PCSK5: variants seen among roughly 807,000 people sequenced by gnomAD.
PCSK5 encodes prohormone convertase 5.
Under a neutral mutation model 233.2 loss-of-function variants are expected in PCSK5, and 129 were observed. That is an observed-to-expected ratio of 0.55 (90% CI 0.48 to 0.64). The LOEUF is 0.64. Ranked by LOEUF, PCSK5 falls within the 30% of genes least tolerant of loss-of-function variation. The pLI, the probability that PCSK5 is intolerant of heterozygous loss-of-function variation, is 0.00. For missense variants in PCSK5, 2,076 were observed against 2,430.1 expected (o/e 0.85, Z 3.06); for synonymous variants, 825 against 879.2 (o/e 0.94, Z 1.09).
intron 12 of PCSK5, among the ~76,000 whole-genome samples, chr9:76,166,730 C>G (rs531473146): frequency 1.1e-4 from 16 of 152,186 alleles, no homozygotes; most frequent in Non-Finnish European, 2.1e-4. Flanking sequence ...GCACCATGGC[C>G]TCAACGAATT....
chr9:76,285,463 C>T (rs1828033974), intron 24 of PCSK5, among the ~76,000 whole-genome samples: 1 of 152,072 alleles, frequency 6.6e-6, no homozygotes, highest in Admixed American at 6.6e-5. Flanking sequence ...CACATATTTG[C>T]CATGCCCATT....
chr9:75,958,063 T>C (rs1301993508), intron 2 of PCSK5, among the ~76,000 whole-genome samples: 1 of 152,202 alleles, frequency 6.6e-6, no homozygotes, highest in East Asian at 1.9e-4. Flanking sequence ...GGTTATTCAT[T>C]AGGAACAATG....
chr9:76,170,733 A>G (rs891712452), intron 13 of PCSK5, among the ~76,000 whole-genome samples: 5 of 152,312 alleles, frequency 3.3e-5, no homozygotes, highest in South Asian at 2.1e-4. Context: ...TTACAGAATA[A>G]AGTAACCTAG....
intron 9 of PCSK5, among the ~76,000 whole-genome samples, chr9:76,112,293 G>A (rs10120022): frequency 5.3e-4 from 81 of 152,048 alleles, no homozygotes; most frequent in African/African-American, 1.8e-3. Context: ...AAAGAATCTC[G>A]TACAAATTCT....
chr9:76,011,108 T>C (rs1827713427), intron 3 of PCSK5, among the ~76,000 whole-genome samples: 1 of 152,238 alleles, frequency 6.6e-6, no homozygotes, highest in African/African-American at 2.4e-5. Flanking sequence ...GGATTCGACA[T>C]TTTTTATTAA....
chr9:76,266,440 T>G (rs1290101822), intron 24 of PCSK5, among the ~76,000 whole-genome samples: 1 of 152,234 alleles, frequency 6.6e-6, no homozygotes, highest in African/African-American at 2.4e-5. Flanking sequence ...TTTCTAAATG[T>G]GTGCCTATTT....
intron 5 of PCSK5, among the ~76,000 whole-genome samples, chr9:76,041,219 G>A (rs1256142497): frequency 6.6e-6 from 1 of 151,988 alleles, no homozygotes; most frequent in Admixed American, 6.6e-5. Flanking sequence ...TGTAAACTAG[G>A]GCCATAAACC....
chr9:76,290,138 T>C (rs2260500), intron 24 of PCSK5, among the ~76,000 whole-genome samples: 33,002 of 152,052 alleles, frequency 0.22, 3,722 homozygotes, highest in Middle Eastern at 0.29. Context: ...TGCCCAAATA[T>C]AAGCTGAGTG....
intron 20 of PCSK5, among the ~76,000 whole-genome samples, chr9:76,220,517 ACT>A (rs1330345037): frequency 2.7e-5 from 3 of 110,404 alleles, no homozygotes; most frequent in Admixed American, 1.1e-4. Context: ...ACCGAGCAAG[ACT>A]CTGTCTCAAA....
chr9:76,198,646 A>G (rs1472890764), intron 20 of PCSK5, among the ~76,000 whole-genome samples: 1 of 152,206 alleles, frequency 6.6e-6, no homozygotes, highest in Non-Finnish European at 1.5e-5. Flanking sequence ...GAAGATAGAA[A>G]GCACACTGTG....
intron 24 of PCSK5, among the ~76,000 whole-genome samples, chr9:76,253,916 T>C (rs1826896762): frequency 6.6e-6 from 1 of 152,192 alleles, no homozygotes; most frequent in Admixed American, 6.5e-5. Flanking sequence ...AACACTAGGA[T>C]ACACAGGGTT....
At position 76,338,400 on chromosome 9, in the gene PCSK5, G is replaced by C. The variant is rs1254003539; in HGVS notation, c.4919G>C (p.Ser1640Thr). 1 of 1,612,542 alleles carries C rather than the reference G, an allele frequency of 6.2e-7. No homozygotes were observed. The highest frequency in any genetic ancestry group is 8.5e-7 in the Non-Finnish European group (1 of 1,179,810). The change falls in exon 35 of 38, where the codon AGC (serine) becomes ACC (threonine). Residue 1640 changes from serine to threonine, a missense_variant. Physicochemically the swap from Ser to Thr is moderately conservative, Grantham distance 58 (BLOSUM62 1). This residue lies in a region of PCSK5 where 1,510 missense variants were observed against 1,538.1 expected (regional missense o/e 0.98). Transcript: ENST00000674117. ...CCAGACCATTACTATGTAGAGCAAAGCACACAGACCTGTGAGAGATGCCAT... is the reference window on the plus strand; with the variant it reads ...CCAGACCATTACTATGTAGAGCAAACCACACAGACCTGTGAGAGATGCCAT... ...SCPDHYYVEQ[S>T]TQTCERCHPT...
At chr9:76,102,530 T>C (rs978753995) in intron 8 of PCSK5, among the ~76,000 whole-genome samples, 2 of 152,188 alleles carry the variant, frequency 1.3e-5, no homozygotes, top group Non-Finnish European at 2.9e-5. Context: ...CCCAAAAGTT[T>C]GAGATTTTGG....
chr9:76,058,903 G>T (rs1245641890), intron 5 of PCSK5, among the ~76,000 whole-genome samples: 1 of 152,132 alleles, frequency 6.6e-6, no homozygotes, highest in Non-Finnish European at 1.5e-5. Context: ...CCAGCTACTT[G>T]GGAAGCTGAG....
intron 33 of PCSK5, among the ~76,000 whole-genome samples, chr9:76,330,549 G>A (rs953993546): frequency 1.3e-5 from 2 of 151,834 alleles, no homozygotes; most frequent in Non-Finnish European, 2.9e-5. Flanking sequence ...AGGAGTTCAA[G>A]GCCAGTCTAG....
At chr9:76,210,159 G>A (rs1451912264) in intron 20 of PCSK5, among the ~76,000 whole-genome samples, 1 of 152,166 alleles carries the variant, frequency 6.6e-6, no homozygotes, top group African/African-American at 2.4e-5. Context: ...AACGCCAGTG[G>A]TGAAGCAGGA....
rs1014301173 is a variant in PCSK5 at position 76,110,980 on chromosome 9, G to T, written c.1208+3629G>T. Among the ~76,000 whole-genome samples, 4 of 152,070 alleles carry T rather than the reference G, an allele frequency of 2.6e-5. No homozygotes were observed. In the East Asian group the frequency reaches 7.8e-4, roughly 29 times the overall value. On this transcript the variant is annotated intron_variant, in intron 9 of 37. Coordinates refer to ENST00000674117, the MANE Select transcript of PCSK5 (RefSeq NM_001372043.1). ...AAATTAGCCAGGCGTGGTAGCATGCGCCCATAGTCCCAGCTACTTAGGAAG... is the reference window on the plus strand; with the variant it reads ...AAATTAGCCAGGCGTGGTAGCATGCTCCCATAGTCCCAGCTACTTAGGAAG...
At chr9:75,931,558 C>A (rs1370152696) in intron 1 of PCSK5, among the ~76,000 whole-genome samples, 3 of 152,132 alleles carry the variant, frequency 2.0e-5, no homozygotes, top group African/African-American at 7.2e-5. Flanking sequence ...ATGCATAGTT[C>A]AATTTTCATT....
intron 3 of PCSK5, among the ~76,000 whole-genome samples, chr9:76,012,254 G>A (rs1827758019): frequency 6.6e-6 from 1 of 152,212 alleles, no homozygotes; most frequent in Non-Finnish European, 1.5e-5. Flanking sequence ...TCCTTCAGAA[G>A]GACTTTCAGA....
Sources: allele counts gnomAD v4.1 joint callset (sites outside exome capture counted in the v4.1 genomes callset), GRCh38; gene constraint gnomAD v4.1.1; regional missense constraint gnomAD v4.1.1; transcripts MANE v1.5; gene names NCBI Gene and HGNC (gene_info 2026-07-23, HGNC 2026-07-21).